SLC24A2: variants seen among roughly 807,000 people sequenced by gnomAD.
SLC24A2 encodes the protein solute carrier family 24 member 2.
A neutral mutation model predicts 62.0 loss-of-function variants in SLC24A2; 36 were observed. That is an observed-to-expected ratio of 0.58 (90% CI 0.44 to 0.77). The LOEUF is 0.77. SLC24A2 is among the 30% of genes least tolerant of loss of function. SLC24A2 has a pLI of 0.00. For missense variants in SLC24A2, 846 were observed against 817.9 expected (o/e 1.03, Z -0.42); for synonymous variants, 358 against 294.0 (o/e 1.22, Z -2.23).
the SLC24A2 span, among the ~76,000 whole-genome samples, chr9:20,036,892 G>A: frequency 2.1e-5 from 3 of 140,864 alleles, no homozygotes; most frequent in East Asian, 2.2e-4. Context: ...GTGTGTGTGC[G>A]TATATATATG....
intron 2 of SLC24A2, among the ~76,000 whole-genome samples, chr9:19,671,006 A>C (rs989352205): frequency 4.2e-5 from 4 of 95,820 alleles, no homozygotes; most frequent in African/African-American, 1.1e-4. Context: ...GATAATAAAG[A>C]GAAACTTAGA....
At chr9:19,933,333 T>C in the SLC24A2 span, among the ~76,000 whole-genome samples, 2 of 152,232 alleles carry the variant, frequency 1.3e-5, no homozygotes, top group Non-Finnish European at 2.9e-5. Context: ...TAGCTCTTCC[T>C]TAGATCACAA....
the SLC24A2 span, chr9:19,929,297 T>A: frequency 6.6e-6 from 1 of 152,238 alleles, no homozygotes; most frequent in Non-Finnish European, 1.5e-5. Flanking sequence ...AAGATGCCCA[T>A]GGACTCTTAG....
At chr9:19,910,649 C>A in the SLC24A2 span, among the ~76,000 whole-genome samples, 3 of 152,072 alleles carry the variant, frequency 2.0e-5, no homozygotes, top group African/African-American at 7.2e-5. Flanking sequence ...CCTGTAACTG[C>A]CTGGAACAAC....
the SLC24A2 span, among the ~76,000 whole-genome samples, chr9:20,035,987 G>A: frequency 3.3e-5 from 5 of 152,168 alleles, no homozygotes; most frequent in African/African-American, 1.2e-4. Flanking sequence ...AAGAGAAAGA[G>A]AGAATGAATG....
chr9:19,900,390 C>G, the SLC24A2 span, among the ~76,000 whole-genome samples: 1 of 152,174 alleles, frequency 6.6e-6, no homozygotes, highest in African/African-American at 2.4e-5. Flanking sequence ...ATCTACTACT[C>G]CAAATAAATG....
chr9:19,696,350 C>T (rs1820191704), intron 2 of SLC24A2, among the ~76,000 whole-genome samples: 2 of 152,112 alleles, frequency 1.3e-5, no homozygotes, highest in African/African-American at 2.4e-5. Flanking sequence ...TAAGGCAATA[C>T]ATTTTAGCTA....
At chr9:20,152,504 G>C in the SLC24A2 span, among the ~76,000 whole-genome samples, 3 of 152,000 alleles carry the variant, frequency 2.0e-5, no homozygotes, top group Admixed American at 2.0e-4. Flanking sequence ...GAAAAGCAAA[G>C]AAATAAAGTA....
intron 2 of SLC24A2, among the ~76,000 whole-genome samples, chr9:19,689,908 C>T (rs1292908878): frequency 6.6e-6 from 1 of 152,066 alleles, no homozygotes; most frequent in African/African-American, 2.4e-5. Context: ...AGCAGATAGC[C>T]CTCTCCAATG....
chr9:20,286,085 C>T, the SLC24A2 span, among the ~76,000 whole-genome samples: 5 of 152,196 alleles, frequency 3.3e-5, no homozygotes, highest in East Asian at 1.9e-4. Context: ...TGTTGCAAAT[C>T]ATCATATATG....
intron 2 of SLC24A2, among the ~76,000 whole-genome samples, chr9:19,635,817 G>A (rs1049157184): frequency 1.3e-5 from 2 of 152,082 alleles, no homozygotes; most frequent in African/African-American, 2.4e-5. Context: ...CAGATGCCAC[G>A]ACATCTTTGC....
chr9:19,992,601 G>A, the SLC24A2 span, among the ~76,000 whole-genome samples: 1 of 152,170 alleles, frequency 6.6e-6, no homozygotes, highest in African/African-American at 2.4e-5. Flanking sequence ...ATGTGCTTCT[G>A]CAAGAATCTG....
chr9:19,775,963 G>T (rs1485225419), intron 2 of SLC24A2, among the ~76,000 whole-genome samples: 1 of 152,192 alleles, frequency 6.6e-6, no homozygotes, highest in Non-Finnish European at 1.5e-5. Flanking sequence ...GGTGGTCCAT[G>T]AAATTATTTT....
chr9:19,741,401 G>C (rs952516618), intron 2 of SLC24A2, among the ~76,000 whole-genome samples: 1 of 152,176 alleles, frequency 6.6e-6, no homozygotes, highest in African/African-American at 2.4e-5. Context: ...CGTCCCAGAG[G>C]TTGCATTGCC....
At chr9:20,137,995 G>A in the SLC24A2 span, among the ~76,000 whole-genome samples, 2 of 152,164 alleles carry the variant, frequency 1.3e-5, no homozygotes, top group Non-Finnish European at 2.9e-5. Context: ...AAGAAGCTGA[G>A]AAGGAACATT....
chr9:19,837,057 AG>A, the SLC24A2 span, among the ~76,000 whole-genome samples: 1 of 152,204 alleles, frequency 6.6e-6, no homozygotes, highest in African/African-American at 2.4e-5. Flanking sequence ...TCAAAAAATT[AG>A]GTATTGATGG....
At chr9:19,966,934 A>G in the SLC24A2 span, among the ~76,000 whole-genome samples, 2 of 152,126 alleles carry the variant, frequency 1.3e-5, no homozygotes, top group African/African-American at 2.4e-5. Context: ...TGTGAGACCA[A>G]TTTTTCTTCT....
chr9:20,235,904 G>A, the SLC24A2 span, among the ~76,000 whole-genome samples: 11 of 152,080 alleles, frequency 7.2e-5, no homozygotes, highest in East Asian at 7.7e-4. Context: ...TAAAATTAAT[G>A]TTTGTCTTGA....
At chr9:20,216,623 G>T in the SLC24A2 span, among the ~76,000 whole-genome samples, 13 of 152,188 alleles carry the variant, frequency 8.5e-5, no homozygotes, top group East Asian at 1.9e-3. Flanking sequence ...CACTCCTGGG[G>T]CAGTGATGAT....
Sources: allele counts gnomAD v4.1 joint callset (sites outside exome capture counted in the v4.1 genomes callset), GRCh38; gene constraint gnomAD v4.1.1; transcripts MANE v1.5; gene names NCBI Gene and HGNC (gene_info 2026-07-23, HGNC 2026-07-21).